OR11H6: variants seen among roughly 807,000 people sequenced by gnomAD.
OR11H6 encodes olfactory receptor family 11 subfamily H member 6, also known as olfactory receptor 11H6.
In OR11H6, 4 loss-of-function variants were observed where a neutral mutation model predicts 9.2. The observed-to-expected ratio is 0.44, with a 90% CI of 0.21 to 1.00. The LOEUF is 1.00. Ranked by LOEUF, OR11H6 falls within the 50% of genes least tolerant of loss-of-function variation. The pLI, the probability that OR11H6 is intolerant of heterozygous loss-of-function variation, is 0.26. For synonymous variants in OR11H6, 136 were observed against 148.9 expected, an observed-to-expected ratio of 0.91 and a Z score of 0.63; for missense variants, 381 against 390.9, an observed-to-expected ratio of 0.97 and a Z score of 0.21.
In OR11H6 at chr14:20,224,375, G is replaced by A. The variant is rs139131844; in HGVS notation, c.666G>A (p.Ser222=). 6.8e-6 allele frequency: 11 copies of A among 1,613,948 alleles called. No homozygotes were observed. The highest frequency in any genetic ancestry group is 2.2e-5 in the East Asian group (1 of 44,888). ...AGCTTATCTGTTACACCTTCAACTCGATGATTATCTTTGGGCCCTTCCTCT... is the reference window on the plus strand; with the variant it reads ...AGCTTATCTGTTACACCTTCAACTCAATGATTATCTTTGGGCCCTTCCTCT... ...STELICYTFN[S]MIIFGPFLSI... The change falls in exon 1 of 1, where the codon TCG becomes TCA. Residue 222 remains serine, a synonymous_variant. Transcript: ENST00000315519.
chr14:20,224,651 C>A lies in OR11H6; in HGVS notation c.942C>A (p.Asp314Glu). ...NPLIYSLRNK[D>E]MKDALKRVLG... ...TTATCTATAGTCTTCGAAACAAAGACATGAAAGATGCTCTAAAGAGAGTCC... is the reference window on the plus strand; with the variant it reads ...TTATCTATAGTCTTCGAAACAAAGAAATGAAAGATGCTCTAAAGAGAGTCC... Residue 314 changes from aspartate to glutamate, a missense_variant, in exon 1 of 1, where the codon GAC (aspartate) becomes GAA (glutamate). Transcript: ENST00000315519. 1 of 1,613,264 alleles carries A rather than the reference C, an allele frequency of 6.2e-7. No homozygotes were observed.
chr14:20,224,112 G>T lies in OR11H6; in HGVS notation c.403G>T (p.Val135Phe), dbSNP rs1160292948. 6.2e-7 allele frequency: 1 copy of T among 1,613,830 alleles called. No individual in the cohort carries two copies. The highest frequency in any genetic ancestry group is 1.3e-5 in the African/African-American group (1 of 74,976). ...LGTTECFFLSVMAYDRYLAIC... is the reference protein window; with the variant it reads ...LGTTECFFLSFMAYDRYLAIC... ...TACAACAGAGTGTTTCTTTTTATCA[G>T]TTATGGCTTATGATCGGTACCTGGC... Residue 135 changes from valine (V) to phenylalanine (F), a missense_variant, in exon 1 of 1, where the codon GTT becomes TTT. By Grantham distance (50) the Val-to-Phe change is conservative (BLOSUM62 -1). Transcript: ENST00000315519.
In OR11H6 at chr14:20,224,004, A is replaced by C; in HGVS notation, c.295A>C (p.Met99Leu). 6.2e-7 allele frequency: 1 copy of C among 1,614,160 alleles called. No homozygotes were observed. The highest frequency in any genetic ancestry group is 8.5e-7 in the Non-Finnish European group (1 of 1,179,990). The change falls in exon 1 of 1, where the codon ATG becomes CTG. Residue 99 changes from methionine (M) to leucine (L), a missense_variant. Met to Leu is a conservative substitution (Grantham distance 15, BLOSUM62 2). Coordinates refer to ENST00000315519, the MANE Select transcript of OR11H6 (RefSeq NM_001004480.1). ...GTACATTTCCTCCACTGTCCCAAAC[A>C]TGCTAGTCAATATCCTCTCTGAGAT... ...IWYISSTVPN[M>L]LVNILSEIKT...
chr14:20,224,334 T>A lies in OR11H6; in HGVS notation c.625T>A (p.Ser209Thr). Residue 209 changes from serine (S) to threonine (T), a missense_variant, in exon 1 of 1, where the codon TCT becomes ACT. Physicochemically the swap from Ser to Thr is moderately conservative, Grantham distance 58. Transcript: ENST00000315519. Reference protein sequence around the residue: ...PGPLFALACISAPSTELICYT... With the variant: ...PGPLFALACITAPSTELICYT... ...CCCATTGTTTGCACTGGCCTGCATC[T>A]CTGCTCCTTCCACTGAGCTTATCTG... The A allele has an allele frequency of 6.2e-7, 1 of 1,614,174 alleles. No homozygotes were observed. Among genetic ancestry groups the A allele is most frequent in the South Asian group, 1.1e-5 (1 of 91,082 alleles).
In OR11H6 at chr14:20,224,366, C is replaced by T; in HGVS notation, c.657C>T (p.Thr219=). The change falls in exon 1 of 1, where the codon ACC becomes ACT. Residue 219 remains threonine (T), a synonymous_variant. Coordinates refer to ENST00000315519, the MANE Select transcript of OR11H6 (RefSeq NM_001004480.1). The part of the protein sequence containing the change: ...SAPSTELICY[T]FNSMIIFGPF... ...CTTCCACTGAGCTTATCTGTTACAC[C>T]TTCAACTCGATGATTATCTTTGGGC... The T allele has an allele frequency of 6.2e-7, 1 of 1,614,136 alleles. No individual in the cohort carries two copies. Among genetic ancestry groups the T allele is most frequent in the Non-Finnish European group, 8.5e-7 (1 of 1,180,008 alleles).
Position 20,223,854 on chromosome 14 carries a change from A to G in OR11H6, c.145A>G (p.Ile49Val). ...REMQSCFFSF[I>V]LVLYLLTLLG... ...GATGCAGAGCTGCTTCTTCTCATTCATCCTGGTTCTCTATCTCCTGACACT... is the reference window on the plus strand; with the variant it reads ...GATGCAGAGCTGCTTCTTCTCATTCGTCCTGGTTCTCTATCTCCTGACACT... The change falls in exon 1 of 1, where the codon ATC becomes GTC. Residue 49 changes from isoleucine (I) to valine (V), a missense_variant. Transcript: ENST00000315519. 1 of 1,614,118 alleles carries G rather than the reference A, an allele frequency of 6.2e-7. No individual in the cohort carries two copies. Among genetic ancestry groups the G allele is most frequent in the Non-Finnish European group, 8.5e-7 (1 of 1,180,012 alleles).
Position 20,223,784 on chromosome 14 carries a change from T to C in OR11H6, c.75T>C (p.His25=), listed in dbSNP as rs551257417. Residue 25 remains histidine (H), a synonymous_variant, in exon 1 of 1, where the codon CAT becomes CAC. Transcript: ENST00000315519. ...TGGGACCCCAGAACAGAACAATGCATTTTGTGACTGAGTTTGTCCTCCTGG... is the reference window on the plus strand; with the variant it reads ...TGGGACCCCAGAACAGAACAATGCACTTTGTGACTGAGTTTGTCCTCCTGG... ...TALGPQNRTM[H]FVTEFVLLGF... 1.2e-5 allele frequency: 19 copies of C among 1,614,096 alleles called. No individual in the cohort carries two copies. In the South Asian group the frequency reaches 1.9e-4, roughly 16 times the overall value.
chr14:20,224,037 A>G lies in OR11H6; in HGVS notation c.328A>G (p.Ile110Val). 5 of 1,613,576 alleles carry G rather than the reference A, an allele frequency of 3.1e-6. No homozygotes were observed. Among genetic ancestry groups the G allele is most frequent in the Non-Finnish European group, 3.4e-6 (4 of 1,179,616 alleles). The change falls in exon 1 of 1, where the codon ATC becomes GTC. Residue 110 changes from isoleucine (I) to valine (V), a missense_variant. Coordinates refer to ENST00000315519, the MANE Select transcript of OR11H6 (RefSeq NM_001004480.1). ...LVNILSEIKTISFSGCFLQFY... is the reference protein window; with the variant it reads ...LVNILSEIKTVSFSGCFLQFY... ...CAATATCCTCTCTGAGATTAAAACC[A>G]TCTCCTTCTCTGGTTGCTTCCTGCA...
At position 20,223,850 on chromosome 14, in the gene OR11H6, A is replaced by G. The variant is rs1374621976; in HGVS notation, c.141A>G (p.Ser47=). ...GGGAGATGCAGAGCTGCTTCTTCTC[A>G]TTCATCCTGGTTCTCTATCTCCTGA... ...GQREMQSCFF[S]FILVLYLLTL... is the part of the protein sequence containing the mutation. The change falls in exon 1 of 1, where the codon TCA becomes TCG. Residue 47 remains serine (S), a synonymous_variant. Coordinates refer to ENST00000315519, the MANE Select transcript of OR11H6 (RefSeq NM_001004480.1). 4 of 1,613,994 alleles carry G rather than the reference A, an allele frequency of 2.5e-6. No homozygotes were observed. The highest frequency in any genetic ancestry group is 1.1e-5 in the South Asian group (1 of 91,080).
chr14:20,223,846 T>G lies in OR11H6; in HGVS notation c.137T>G (p.Phe46Cys). The G allele has an allele frequency of 6.2e-7, 1 of 1,614,168 alleles. No individual in the cohort carries two copies. The highest frequency in any genetic ancestry group is 1.3e-5 in the African/African-American group (1 of 75,050). Residue 46 changes from phenylalanine (F) to cysteine (C), a missense_variant, in exon 1 of 1, where the codon TTC becomes TGC. Phe to Cys is a radical substitution (Grantham distance 205). Transcript: ENST00000315519. ...HGQREMQSCF[F>C]SFILVLYLLT... The stretch of plus-strand genomic sequence containing the variant: ...CAAAGGGAGATGCAGAGCTGCTTCT[T>G]CTCATTCATCCTGGTTCTCTATCTC...
Position 20,224,207 on chromosome 14 carries a change from C to T in OR11H6, c.498C>T (p.Cys166=), listed in dbSNP as rs563460278. 6.2e-7 allele frequency: 1 copy of T among 1,614,052 alleles called. No individual in the cohort carries two copies. The highest frequency in any genetic ancestry group is 1.1e-5 in the South Asian group (1 of 91,080). ...GKFCIILVCV[C]WVGGFLCYPV... ...TCTGTATAATTCTGGTCTGTGTATG[C>T]TGGGTAGGCGGATTTCTCTGCTATC... Residue 166 remains cysteine, a synonymous_variant, in exon 1 of 1, where the codon TGC becomes TGT. Transcript: ENST00000315519.
chr14:20,224,525 C>A lies in OR11H6; in HGVS notation c.816C>A (p.Thr272=). The change falls in exon 1 of 1, where the codon ACC becomes ACA. Residue 272 remains threonine (T), a synonymous_variant. Coordinates refer to ENST00000315519, the MANE Select transcript of OR11H6 (RefSeq NM_001004480.1). ...HLMVVSLFYG[T]LMVMYVSPTS... ...TGGTGGTGTCTCTATTCTATGGAAC[C>A]CTTATGGTGATGTATGTGAGCCCAA... 2.5e-6 allele frequency: 4 copies of A among 1,613,890 alleles called. No homozygotes were observed. The highest frequency in any genetic ancestry group is 1.1e-5 in the South Asian group (1 of 91,072).
chr14:20,224,363 C>T lies in OR11H6; in HGVS notation c.654C>T (p.Tyr218=), dbSNP rs1319141865. ...ISAPSTELIC[Y]TFNSMIIFGP... ...CTCCTTCCACTGAGCTTATCTGTTA[C>T]ACCTTCAACTCGATGATTATCTTTG... is the stretch of plus-strand genomic sequence containing the variant. Residue 218 remains tyrosine (Y), a synonymous_variant, in exon 1 of 1, where the codon TAC becomes TAT. Transcript: ENST00000315519. 4 of 1,614,128 alleles carry T rather than the reference C, an allele frequency of 2.5e-6. No homozygotes were observed. Among genetic ancestry groups the T allele is most frequent in the East Asian group, 4.5e-5 (2 of 44,876 alleles).
In OR11H6 at chr14:20,224,068, A is replaced by G. The variant is rs1288574387; in HGVS notation, c.359A>G (p.Tyr120Cys). The G allele has an allele frequency of 6.2e-7, 1 of 1,613,460 alleles. No homozygotes were observed. Among genetic ancestry groups the G allele is most frequent in the Non-Finnish European group, 8.5e-7 (1 of 1,179,616 alleles). ...ISFSGCFLQF[Y>C]FFFSLGTTEC... ...TTCTCTGGTTGCTTCCTGCAATTCT[A>G]TTTCTTTTTTTCACTGGGTACAACA... is the stretch of plus-strand genomic sequence containing the variant. The change falls in exon 1 of 1, where the codon TAT becomes TGT. Residue 120 changes from tyrosine (Y) to cysteine (C), a missense_variant. Transcript: ENST00000315519.
rs1462207962 is a variant in OR11H6 at position 20,224,482 on chromosome 14, C to T, written c.773C>T (p.Thr258Ile). ...GCTGGTCGAACTAAAGCTTTCTCCA[C>T]ATGTGGGTCCCACCTAATGGTGGTG... Reference protein sequence around the residue: ...SGAGRTKAFSTCGSHLMVVSL... With the variant: ...SGAGRTKAFSICGSHLMVVSL... The change falls in exon 1 of 1, where the codon ACA (threonine) becomes ATA (isoleucine). Residue 258 changes from threonine to isoleucine, a missense_variant. By Grantham distance (89) the Thr-to-Ile change is moderately conservative (BLOSUM62 -1). Transcript: ENST00000315519. 4 of 1,614,008 alleles carry T rather than the reference C, an allele frequency of 2.5e-6. No individual in the cohort carries two copies. The highest frequency in any genetic ancestry group is 1.3e-5 in the African/African-American group (1 of 74,928).
chr14:20,224,541 G>A lies in OR11H6; in HGVS notation c.832G>A (p.Val278Met). The change falls in exon 1 of 1, where the codon GTG becomes ATG. Residue 278 changes from valine (V) to methionine (M), a missense_variant. Val to Met is a conservative substitution (Grantham distance 21, BLOSUM62 1). Coordinates refer to ENST00000315519, the MANE Select transcript of OR11H6 (RefSeq NM_001004480.1). ...CTATGGAACCCTTATGGTGATGTATGTGAGCCCAACATCAGGGAACCCAGC... is the reference window on the plus strand; with the variant it reads ...CTATGGAACCCTTATGGTGATGTATATGAGCCCAACATCAGGGAACCCAGC... ...LFYGTLMVMYVSPTSGNPAGM... is the reference protein window; with the variant it reads ...LFYGTLMVMYMSPTSGNPAGM... The A allele has an allele frequency of 6.2e-7, 1 of 1,613,906 alleles. No homozygotes were observed. Among genetic ancestry groups the A allele is most frequent in the South Asian group, 1.1e-5 (1 of 91,078 alleles).
chr14:20,223,766 C>A lies in OR11H6; in HGVS notation c.57C>A (p.Pro19=). ...VTSVFLTALG[P]QNRTMHFVTE... ...CTGTTTTTCTAACAGCTTTGGGACC[C>A]CAGAACAGAACAATGCATTTTGTGA... Residue 19 remains proline, a synonymous_variant, in exon 1 of 1, where the codon CCC becomes CCA. Transcript: ENST00000315519. The A allele has an allele frequency of 6.2e-7, 1 of 1,613,994 alleles. No homozygotes were observed. Among genetic ancestry groups the A allele is most frequent in the Non-Finnish European group, 8.5e-7 (1 of 1,179,910 alleles).
chr14:20,224,349 G>A lies in OR11H6; in HGVS notation c.640G>A (p.Glu214Lys), dbSNP rs1240007069. 1 of 1,614,020 alleles carries A rather than the reference G, an allele frequency of 6.2e-7. No homozygotes were observed. Among genetic ancestry groups the A allele is most frequent in the African/African-American group, 1.3e-5 (1 of 74,910 alleles). Reference sequence around the variant, plus strand: ...GGCCTGCATCTCTGCTCCTTCCACTGAGCTTATCTGTTACACCTTCAACTC... The same window carrying A: ...GGCCTGCATCTCTGCTCCTTCCACTAAGCTTATCTGTTACACCTTCAACTC... ...ALACISAPST[E>K]LICYTFNSMI... The change falls in exon 1 of 1, where the codon GAG becomes AAG. Residue 214 changes from glutamate to lysine, a missense_variant. Physicochemically the swap from Glu to Lys is moderately conservative, Grantham distance 56 (BLOSUM62 1). Transcript: ENST00000315519.
rs553013613 is a variant in OR11H6 at position 20,223,923 on chromosome 14, C to T, written c.214C>T (p.Arg72Trp). ...AIVCAVKLDR[R>W]LHTPMYILLG... is the part of the protein sequence containing the mutation. ...TGTCTGTGCAGTGAAATTGGACAGGCGGCTCCACACACCCATGTACATCCT... is the reference window on the plus strand; with the variant it reads ...TGTCTGTGCAGTGAAATTGGACAGGTGGCTCCACACACCCATGTACATCCT... The change falls in exon 1 of 1, where the codon CGG (arginine) becomes TGG (tryptophan). Residue 72 changes from arginine (R) to tryptophan (W), a missense_variant. Transcript: ENST00000315519. The T allele has an allele frequency of 2.4e-5, 38 of 1,614,058 alleles. No homozygotes were observed. The highest frequency in any genetic ancestry group is 3.3e-4 in the Middle Eastern group (2 of 6,062).
Sources: gnomAD v4.1 joint callset for allele counts on GRCh38, gnomAD v4.1.1 for gene constraint, MANE v1.5 for transcripts, NCBI Gene and HGNC (gene_info 2026-07-23, HGNC 2026-07-21) for gene names.